The following LPIN2 variants were observed in gnomAD, a reference collection of about 807,000 sequenced individuals.
LPIN2 encodes lipin 2.
LPIN2 carries 55 observed loss-of-function variants against 111.4 expected under a neutral mutation model. The ratio of observed to expected loss-of-function variants is 0.49; its 90% CI spans 0.40 to 0.62. LPIN2 has a LOEUF of 0.62. Ranked by LOEUF, LPIN2 falls within the 20% of genes least tolerant of loss-of-function variation. The pLI is 0.00. For synonymous variants in LPIN2, 425 were observed against 414.0 expected (o/e 1.03, Z -0.32); for missense variants, 992 against 1,112.1 (o/e 0.89, Z 1.54).
intron 1 of LPIN2, among the ~76,000 whole-genome samples, chr18:2,991,612 T>A (rs936416435): frequency 1.3e-5 from 2 of 152,050 alleles, no homozygotes; most frequent in Non-Finnish European, 2.9e-5. Flanking sequence ...CTGAGAAGGC[T>A]GAGGTGGGAG....
intron 4 of LPIN2, among the ~76,000 whole-genome samples, chr18:2,944,047 C>T (rs2077407098): frequency 1.3e-5 from 2 of 151,768 alleles, no homozygotes; most frequent in Non-Finnish European, 2.9e-5. Context: ...AATTTATTCC[C>T]AAACTTTCTA....
At chr18:2,991,694 A>G (rs879755066) in intron 1 of LPIN2, among the ~76,000 whole-genome samples, 5 of 152,060 alleles carry the variant, frequency 3.3e-5, no homozygotes, top group Non-Finnish European at 7.4e-5. Context: ...CCTGAGCACC[A>G]GAATGAGGGC....
intron 1 of LPIN2, among the ~76,000 whole-genome samples, chr18:3,005,080 T>C (rs938988951): frequency 4.6e-5 from 7 of 152,222 alleles, no homozygotes; most frequent in Admixed American, 3.9e-4. Flanking sequence ...CCAGGTGCGG[T>C]GGCTCATACT....
intron 3 of LPIN2, 92 bp from the exon 4 acceptor site, chr18:2,951,448 GTAA>G: frequency 3.2e-6 from 3 of 944,680 alleles, no homozygotes; most frequent in Non-Finnish European, 4.5e-6. Context: ...TTTCACCATG[GTAA>G]AAAAAAAAAA....
intron 1 of LPIN2, among the ~76,000 whole-genome samples, chr18:3,009,432 A>T (rs529253101): frequency 6.6e-6 from 1 of 151,478 alleles, no homozygotes. Context: ...AAAAATAAGT[A>T]CCATTTTTTG....
chr18:3,002,219 G>A (rs1281315654), intron 1 of LPIN2, among the ~76,000 whole-genome samples: 1 of 112,042 alleles, frequency 8.9e-6, no homozygotes, highest in Non-Finnish European at 1.7e-5. Context: ...CATTTAAAAG[G>A]ATGACCTTCA....
chr18:3,005,435 T>C (rs980895774), intron 1 of LPIN2, among the ~76,000 whole-genome samples: 6 of 152,170 alleles, frequency 3.9e-5, no homozygotes, highest in African/African-American at 1.4e-4. Flanking sequence ...CTCAGCACTT[T>C]GGGAGGCTGA....
intron 1 of LPIN2, among the ~76,000 whole-genome samples, chr18:2,999,079 T>C (rs1011463649): frequency 6.6e-6 from 1 of 152,218 alleles, no homozygotes; most frequent in Non-Finnish European, 1.5e-5. Flanking sequence ...TTGCTCTAAC[T>C]AGACATCCTG....
At chr18:2,999,347 A>G (rs558411706) in intron 1 of LPIN2, among the ~76,000 whole-genome samples, 7 of 152,304 alleles carry the variant, frequency 4.6e-5, no homozygotes, top group African/African-American at 1.7e-4. Context: ...CTGTAATCCC[A>G]GCACTCTGGG....
chr18:2,982,220 T>C (rs1339978235), intron 1 of LPIN2, among the ~76,000 whole-genome samples: 1 of 152,174 alleles, frequency 6.6e-6, no homozygotes, highest in East Asian at 1.9e-4. Flanking sequence ...TATATCCAAA[T>C]ACAACGTCAG....
chr18:2,967,701 CG>C (rs1224379639), intron 1 of LPIN2: 4 of 152,216 alleles, frequency 2.6e-5, no homozygotes, highest in African/African-American at 9.6e-5. Flanking sequence ...AGACTCCCGA[CG>C]CCAAGCCCTG....
chr18:2,961,240 A>G (rs2077707969), intron 1 of LPIN2, among the ~76,000 whole-genome samples: 1 of 152,234 alleles, frequency 6.6e-6, no homozygotes, highest in Non-Finnish European at 1.5e-5. Flanking sequence ...CACTTTGGCC[A>G]TAGCAGCCAA....
chr18:2,942,491 C>T (rs924212383), intron 4 of LPIN2, among the ~76,000 whole-genome samples: 1 of 152,128 alleles, frequency 6.6e-6, no homozygotes. Flanking sequence ...TTTTATATTA[C>T]AAATATTTTA....
intron 5 of LPIN2, among the ~76,000 whole-genome samples, chr18:2,940,314 C>T (rs1383232762): frequency 6.6e-6 from 1 of 151,982 alleles, no homozygotes; most frequent in East Asian, 1.9e-4. Flanking sequence ...GAAAACAGAG[C>T]GAGACCTTGT....
At position 2,950,973 on chromosome 18, in the gene LPIN2, A is replaced by G. The variant is rs375084985; in HGVS notation, c.590+82T>C. 177 of 1,428,606 alleles carry G rather than the reference A, an allele frequency of 1.2e-4. No homozygotes were observed. In the African/African-American group the frequency reaches 1.3e-3, roughly 11 times the overall value. The allele number at this position is 1,428,606 out of a possible 1,614,324, so 88.5% of individuals were successfully genotyped here. ...AACAAGCCCAAACCTCACACTGTGT[A>G]TCCATAAAAAAACTGGCAGCTCCTG... On this transcript the variant is annotated intron_variant, in intron 4 of 19. Transcript: ENST00000677752.
chr18:2,922,276 A>C, intron 16 of LPIN2, 77 bp from the exon 17 acceptor site: 66 of 1,459,736 alleles, frequency 4.5e-5, no homozygotes, highest in Middle Eastern at 1.8e-4. Context: ...AAAAAACCCC[A>C]CACTTTTCTT....
At chr18:2,965,908 T>A (rs1246291986) in intron 1 of LPIN2, among the ~76,000 whole-genome samples, 2 of 152,088 alleles carry the variant, frequency 1.3e-5, no homozygotes, top group Non-Finnish European at 2.9e-5. Context: ...ATTCATAAAT[T>A]ATCAGCACAA....
At chr18:2,931,070 C>T (rs1413777020) in intron 9 of LPIN2, among the ~76,000 whole-genome samples, 186 bp downstream of exon 9, 1 of 152,132 alleles carries the variant, frequency 6.6e-6, no homozygotes. Context: ...AAAGCCACTC[C>T]ATAAAGAGGT....
chr18:2,968,526 G>C (rs2077846059), intron 1 of LPIN2, among the ~76,000 whole-genome samples: 1 of 152,112 alleles, frequency 6.6e-6, no homozygotes, highest in Non-Finnish European at 1.5e-5. Context: ...AATCCCTTAT[G>C]ATAATGCTAT....
Sources: gnomAD v4.1 joint callset for allele counts (sites outside exome capture counted in the v4.1 genomes callset) on GRCh38, gnomAD v4.1.1 for gene constraint, MANE v1.5 for transcripts, NCBI Gene and HGNC (gene_info 2026-07-23, HGNC 2026-07-21) for gene names.